The following SMURF1 variants were observed in gnomAD, a reference collection of about 807,000 sequenced individuals.
SMURF1 encodes the protein E3 ubiquitin-protein ligase SMURF1.
A neutral mutation model predicts 98.0 loss-of-function variants in SMURF1; 44 were observed. The ratio of observed to expected loss-of-function variants is 0.45; its 90% CI spans 0.35 to 0.58. The LOEUF is 0.58. SMURF1 is among the 20% of genes least tolerant of loss of function. The pLI is 0.00. For synonymous variants in SMURF1, 396 were observed against 374.9 expected (o/e 1.06, Z -0.65); for missense variants, 687 against 938.4 (o/e 0.73, Z 3.50).
At chr7:99,040,867 G>C (rs1404111598) in intron 12 of SMURF1, among the ~76,000 whole-genome samples, 1 of 152,096 alleles carries the variant, frequency 6.6e-6, no homozygotes, top group South Asian at 2.1e-4. Flanking sequence ...ACAGAGAATC[G>C]AACCAAGCCC....
At chr7:99,074,808 A>T (rs1796412889) in intron 1 of SMURF1, among the ~76,000 whole-genome samples, 1 of 152,188 alleles carries the variant, frequency 6.6e-6, no homozygotes, top group Non-Finnish European at 1.5e-5. Context: ...TGGGAGGATG[A>T]CTTGTGTCCA....
At chr7:99,060,378 C>CAAAAAAAAAAAA (rs11340949) in intron 3 of SMURF1, among the ~76,000 whole-genome samples, 6 of 92,468 alleles carry the variant, frequency 6.5e-5, no homozygotes, top group African/African-American at 1.0e-4. Flanking sequence ...GACTCCGTCT[C>CAAAAAAAAAAAA]AAAAAAAAAA....
In SMURF1 at chr7:99,035,716, G is replaced by A. The variant is rs2150497657; in HGVS notation, c.1810C>T (p.Leu604=). Residue 604 remains leucine, a splice_region_variant and synonymous_variant, in exon 16 of 18, where the codon CTG becomes TTG. Coordinates refer to ENST00000361368, the MANE Select transcript of SMURF1 (RefSeq NM_181349.3). The stretch of plus-strand genomic sequence containing the variant: ...ATTTTATCCAGGCCGCCTATGATCA[G>A]CTGAGGAGGTGCAGAAAGGTGAATT... The part of the protein sequence containing the change: ...LKPFDQKELE[L]IIGGLDKIDL... The A allele has an allele frequency of 2.5e-6, 4 of 1,613,780 alleles. No homozygotes were observed. The African/African-American group carries it at 4.0e-5, about 16-fold the overall frequency.
chr7:99,063,497 C>A (rs1308076519), intron 1 of SMURF1, among the ~76,000 whole-genome samples: 1 of 150,592 alleles, frequency 6.6e-6, no homozygotes, highest in Admixed American at 6.7e-5. Context: ...ACTATGTTGC[C>A]CAGGCTGGTC....
At chr7:99,125,035 ATAG>A (rs1797715200) in intron 1 of SMURF1, among the ~76,000 whole-genome samples, 2 of 150,830 alleles carry the variant, frequency 1.3e-5, no homozygotes, top group African/African-American at 4.9e-5. Flanking sequence ...AACCTAGAGC[ATAG>A]TAGTTATTCA....
intron 7 of SMURF1, 21 bp from the exon 8 acceptor site, chr7:99,051,462 C>G: frequency 6.3e-7 from 1 of 1,589,230 alleles, no homozygotes; most frequent in South Asian, 1.1e-5. Context: ...AATTAGAGAT[C>G]CAAATGAGAC....
chr7:99,035,950 G>A (rs369029196), intron 15 of SMURF1: 25 of 558,784 alleles, frequency 4.5e-5, no homozygotes, highest in African/African-American at 1.7e-4. Context: ...GTGCACAGCT[G>A]TTGATGGGAT....
chr7:99,054,741 G>A lies in SMURF1; in HGVS notation c.479+49C>T, dbSNP rs200429682. On this transcript the variant is annotated intron_variant, in intron 6 of 17. Transcript: ENST00000361368. ...AGGGCGCTTTCCTATAGGCCGAGAG[G>A]TTAAGGCAGCAGAGAACTCAGCCCG... 2.1e-5 allele frequency: 32 copies of A among 1,552,562 alleles called. No individual in the cohort carries two copies. The African/African-American group carries it at 3.7e-4, about 18-fold the overall frequency.
intron 1 of SMURF1, among the ~76,000 whole-genome samples, chr7:99,077,924 A>G (rs886718817): frequency 6.6e-6 from 1 of 152,206 alleles, no homozygotes; most frequent in African/African-American, 2.4e-5. Context: ...CAGAATCCTG[A>G]AAGGGCTCAT....
At chr7:99,047,976 G>T in intron 9 of SMURF1, 94 bp from the exon 10 acceptor site, 1 of 1,140,904 alleles carries the variant, frequency 8.8e-7, no homozygotes, top group Non-Finnish European at 1.3e-6. Flanking sequence ...GAGAGAGCTA[G>T]CTGCACACAA....
Position 99,030,626 on chromosome 7 carries a change from C to G in SMURF1, c.2154G>C (p.Leu718=). The change falls in exon 18 of 18, where the codon CTG becomes CTC. Residue 718 remains leucine (L), a synonymous_variant. Transcript: ENST00000361368. ...CGCAGGTCTCCTCCACGGCTGTCAG[C>G]AGCTTCTCGTAGAGCTTCTCATAGG... ...YESYEKLYEK[L]LTAVEETCGF... The G allele has an allele frequency of 6.2e-7, 1 of 1,614,162 alleles. No individual in the cohort carries two copies. Among genetic ancestry groups the G allele is most frequent in the Non-Finnish European group, 8.5e-7 (1 of 1,180,028 alleles).
chr7:99,039,159 A>G (rs563175451), intron 13 of SMURF1, among the ~76,000 whole-genome samples: 1 of 133,376 alleles, frequency 7.5e-6, no homozygotes, highest in South Asian at 2.5e-4. Context: ...GAGCCACTGC[A>G]CTCGAGCCTG....
chr7:99,101,343 G>C (rs999976999), intron 1 of SMURF1, among the ~76,000 whole-genome samples: 2 of 152,130 alleles, frequency 1.3e-5, no homozygotes, highest in Admixed American at 1.3e-4. Context: ...CTGCACTCCA[G>C]CATGGGTGAT....
chr7:99,073,767 A>C (rs1307391617), intron 1 of SMURF1, among the ~76,000 whole-genome samples: 3 of 145,642 alleles, frequency 2.1e-5, no homozygotes. Context: ...TTCCATCTCA[A>C]AAAAAAAAAA....
At chr7:99,126,167 T>C (rs184323062) in intron 1 of SMURF1, among the ~76,000 whole-genome samples, 1 of 152,314 alleles carries the variant, frequency 6.6e-6, no homozygotes, top group East Asian at 1.9e-4. Context: ...CTATTGACTG[T>C]AGTATTCAAT....
intron 1 of SMURF1, among the ~76,000 whole-genome samples, chr7:99,103,462 C>T (rs112493684): frequency 0.013 from 1,957 of 152,216 alleles, 51 homozygotes; most frequent in African/African-American, 0.044. Context: ...CCTTATGTGA[C>T]GGTATGACAA....
At chr7:99,058,388 C>T (rs1795937419) in intron 3 of SMURF1, among the ~76,000 whole-genome samples, 2 of 152,162 alleles carry the variant, frequency 1.3e-5, no homozygotes, top group Admixed American at 1.3e-4. Context: ...CCTCGGCCTC[C>T]CAAAGTGCTT....
chr7:99,130,501 G>A (rs1797849214), intron 1 of SMURF1, among the ~76,000 whole-genome samples: 1 of 152,104 alleles, frequency 6.6e-6, no homozygotes, highest in African/African-American at 2.4e-5. Context: ...AACAATCCAG[G>A]AACATTCTGC....
In SMURF1 at chr7:99,045,862, G is replaced by A. The variant is rs1273667518; in HGVS notation, c.1153-61C>T. 5 of 1,363,782 alleles carry A rather than the reference G, an allele frequency of 3.7e-6. No homozygotes were observed. The African/African-American group carries it at 5.7e-5, about 16-fold the overall frequency. The allele number at this position is 1,363,782 out of a possible 1,614,324, so 84.5% of individuals were successfully genotyped here. On this transcript the variant is annotated intron_variant, in intron 10 of 17. Coordinates refer to ENST00000361368, the MANE Select transcript of SMURF1 (RefSeq NM_181349.3). Reference sequence around the variant, plus strand: ...ATTCTTATTCTTAAAGTTATGAAAGGTCATTGATAATGGAGCCCGGTTAAG... The same window carrying A: ...ATTCTTATTCTTAAAGTTATGAAAGATCATTGATAATGGAGCCCGGTTAAG...
Sources: allele counts gnomAD v4.1 joint callset (sites outside exome capture counted in the v4.1 genomes callset), GRCh38; gene constraint gnomAD v4.1.1; transcripts MANE v1.5; gene names NCBI Gene and HGNC (gene_info 2026-07-23, HGNC 2026-07-21).